The following NPC1 variants were observed in gnomAD, a reference collection of about 807,000 sequenced individuals.
NPC1 encodes Niemann-Pick C1 protein.
In NPC1, 85 loss-of-function variants were observed where a neutral mutation model predicts 140.4. The observed-to-expected ratio is 0.61, with a 90% CI of 0.51 to 0.72. The LOEUF (loss-of-function observed/expected upper bound fraction) is 0.72, where lower values mean the gene tolerates loss of function less well. NPC1 is among the 30% of genes least tolerant of loss of function. The pLI is 0.00. For missense variants in NPC1, 1,504 were observed against 1,623.8 expected (o/e 0.93, Z 1.27); for synonymous variants, 656 against 624.8 (o/e 1.05, Z -0.74).
intron 4 of NPC1, among the ~76,000 whole-genome samples, chr18:23,563,624 G>C (rs1308933963): frequency 2.0e-5 from 3 of 152,206 alleles, no homozygotes; most frequent in Non-Finnish European, 4.4e-5. Context: ...ATGCTGCCCA[G>C]GCTGGTCTCA....
Position 23,533,363 on chromosome 18 carries a change from C to CT in NPC1, c.3745dup (p.Ser1249LysfsTer9). 2 of 1,613,826 alleles carry CT rather than the reference C, an allele frequency of 1.2e-6. No homozygotes were observed. Among genetic ancestry groups the CT allele is most frequent in the Non-Finnish European group, 8.5e-7 (1 of 1,179,692 alleles). On this transcript the variant is annotated frameshift_variant, in exon 24 of 25. Transcript: ENST00000269228. LOFTEE classifies it high-confidence loss of function. ...AAGATGAGAACTCTTACCTATGTAACTGAGTAAGACAGGGAGAAATATTAA... is the reference window on the plus strand; with the variant it reads ...AAGATGAGAACTCTTACCTATGTAACTTGAGTAAGACAGGGAGAAATATTAA...
intron 10 of NPC1, 164 bp downstream of exon 10, chr18:23,551,463 G>GAAACCC (rs2058871660): frequency 2.8e-6 from 2 of 708,612 alleles, no homozygotes; most frequent in Non-Finnish European, 5.1e-6. Context: ...AATCTGGAAT[G>GAAACCC]AAACCCAAAC....
chr18:23,539,479 G>A lies in NPC1; in HGVS notation c.2796-9C>T, dbSNP rs1196732533. On this transcript the variant is annotated splice_polypyrimidine_tract_variant and intron_variant, in intron 18 of 24. Transcript: ENST00000269228. Reference sequence around the variant, plus strand: ...CGAAGCCTATTCGGGTACTAGAGAGGACAGACAGGGTTACTGACCTGCTCC... The same window carrying A: ...CGAAGCCTATTCGGGTACTAGAGAGAACAGACAGGGTTACTGACCTGCTCC... 3.1e-6 allele frequency: 5 copies of A among 1,588,790 alleles called. No individual in the cohort carries two copies. In the Admixed American group the frequency reaches 5.0e-5, roughly 16 times the overall value.
chr18:23,544,948 C>CCCA lies in NPC1; in HGVS notation c.1947+11_1947+12insTGG, dbSNP rs547107514. On this transcript the variant is annotated intron_variant, in intron 12 of 24. Coordinates refer to ENST00000269228, the MANE Select transcript of NPC1 (RefSeq NM_000271.5). ...TAACCTCTAGAACATACACCACCCC[C>CCCA]CCCCGGCTTACCAGAAGCCTGCGAC... is the stretch of plus-strand genomic sequence containing the variant. 4.9e-5 allele frequency: 67 copies of CCCA among 1,379,528 alleles called. 2 individuals are homozygous for CCCA. In the African/African-American group the frequency reaches 7.6e-4, roughly 16 times the overall value. The allele number at this position is 1,379,528 out of a possible 1,614,324, so 85.5% of individuals were successfully genotyped here. A position where few individuals can be genotyped will look rare whatever the true frequency, so the allele number is the denominator to read the frequency against.
downstream of NPC1, chr18:23,519,035 C>T (rs2058079247): frequency 1.2e-6 from 2 of 1,612,532 alleles, no homozygotes; most frequent in East Asian, 2.2e-5. Context: ...TGAACTGCAG[C>T]TTGTTGATCT....
intron 1 of NPC1, among the ~76,000 whole-genome samples, chr18:23,581,745 A>G (rs1488138297): frequency 6.6e-6 from 1 of 152,182 alleles, no homozygotes; most frequent in East Asian, 1.9e-4. Context: ...GGCAACAATT[A>G]GGCAACTCTC....
At chr18:23,546,931 C>T (rs1172104193) in intron 11 of NPC1, among the ~76,000 whole-genome samples, 4 of 152,168 alleles carry the variant, frequency 2.6e-5, no homozygotes, top group Admixed American at 6.5e-5. Flanking sequence ...GATGGCTGCA[C>T]ATACACGTGA....
chr18:23,582,249 T>TA (rs1200074008), intron 1 of NPC1: 1 of 152,210 alleles, frequency 6.6e-6, no homozygotes, highest in Non-Finnish European at 1.5e-5. Context: ...AGTAATAAGA[T>TA]AAAATTTTAA....
chr18:23,571,947 A>G, intron 3 of NPC1, 127 bp downstream of exon 3: 1 of 345,086 alleles, frequency 2.9e-6, no homozygotes, highest in Middle Eastern at 9.7e-4. Context: ...GTATAAATAT[A>G]TAATATACAT....
downstream of NPC1, chr18:23,519,095 T>C (rs1268539979): frequency 1.9e-6 from 3 of 1,614,080 alleles, no homozygotes; most frequent in Non-Finnish European, 2.5e-6. Context: ...AAGATGCACA[T>C]ATTGAAGTTA....
At chr18:23,552,092 C>G (rs1432102795) in intron 9 of NPC1, among the ~76,000 whole-genome samples, 1 of 152,096 alleles carries the variant, frequency 6.6e-6, no homozygotes, top group Non-Finnish European at 1.5e-5. Context: ...GGGTGTCTCA[C>G]ACAATTACAA....
At chr18:23,576,253 AAAC>A (rs1050424836) in intron 1 of NPC1, among the ~76,000 whole-genome samples, 7 of 151,954 alleles carry the variant, frequency 4.6e-5, no homozygotes, top group Middle Eastern at 6.8e-3. Flanking sequence ...AAACAAACAA[AAAC>A]AACAACAGCC....
downstream of NPC1, chr18:23,528,006 TCGCTGAGATTTGC>T: frequency 1.0e-6 from 1 of 971,370 alleles, no homozygotes; most frequent in African/African-American, 1.7e-5. Flanking sequence ...TAGAATAAGG[TCGCTGAGATTTGC>T]CGCCTGCCAT....
In NPC1 at chr18:23,536,701, C is replaced by T. The variant is rs141440861; in HGVS notation, c.3217G>A (p.Gly1073Ser). 2,247 of 1,614,096 alleles carry T rather than the reference C, an allele frequency of 1.4e-3. 2 individuals are homozygous for T. The highest frequency in any genetic ancestry group is 1.7e-3 in the Non-Finnish European group (2,011 of 1,180,010). ...TAAGGAAATACTCGGTAGGCACTGC[C>T]GTTAATGCCCATGGTTTCGGTGACA... ...SNVTETMGINGSAYRVFPYSV... is the reference protein window; with the variant it reads ...SNVTETMGINSSAYRVFPYSV... The change falls in exon 21 of 25, where the codon GGC becomes AGC. Residue 1073 changes from glycine to serine, a missense_variant. Transcript: ENST00000269228.
chr18:23,532,065 T>TA lies in NPC1; in HGVS notation c.*136dup, dbSNP rs1417193407. The TA allele has an allele frequency of 6.2e-7, 1 of 1,603,372 alleles. No individual in the cohort carries two copies. The highest frequency in any genetic ancestry group is 1.3e-5 in the African/African-American group (1 of 74,528). Reference sequence around the variant, plus strand: ...TGTGCATTCCTGAGTTCACAGGCGCTACGTTCAAAGCTGCTGCCAAACAAC... The same window carrying TA: ...TGTGCATTCCTGAGTTCACAGGCGCTAACGTTCAAAGCTGCTGCCAAACAAC... On this transcript the variant is annotated 3_prime_UTR_variant, in exon 25 of 25. Transcript: ENST00000269228.
chr18:23,562,055 C>T (rs1280363280), intron 4 of NPC1, among the ~76,000 whole-genome samples: 1 of 152,068 alleles, frequency 6.6e-6, no homozygotes, highest in Admixed American at 6.6e-5. Flanking sequence ...TCTGGGAGGC[C>T]GAGGTGGGCG....
At chr18:23,540,574 T>A (rs1315061399) in intron 16 of NPC1, 37 bp from the exon 17 acceptor site, 3 of 1,383,324 alleles carry the variant, frequency 2.2e-6, no homozygotes, top group South Asian at 1.2e-5. Context: ...AGAGACTGCT[T>A]AGTAAATAAG....
rs1344941511 is a variant in NPC1, at chr18:23,531,481, ATAGGGTAACCCCAAAACT to A, written c.*703_*720del. 2.1e-6 allele frequency: 3 copies of A among 1,443,132 alleles called. No homozygotes were observed. The highest frequency in any genetic ancestry group is 2.5e-5 in the East Asian group (1 of 40,398). 89.4% of individuals were successfully genotyped at this position (1,443,132 alleles called of 1,614,324 possible). ...CTTTTGTATTTGTCTCTCAAAGCAGATAGGGTAACCCCAAAACTTAGGAAAACAATGTATTTTATTAAA... is the reference window on the plus strand; with the variant it reads ...CTTTTGTATTTGTCTCTCAAAGCAGATAGGAAAACAATGTATTTTATTAAA... On this transcript the variant is annotated 3_prime_UTR_variant, in exon 25 of 25. Transcript: ENST00000269228.
intron 3 of NPC1, chr18:23,515,825 TG>T (rs776655983): frequency 6.2e-7 from 1 of 1,613,166 alleles, no homozygotes; most frequent in Non-Finnish European, 8.5e-7. Flanking sequence ...GTTTTTTAAA[TG>T]AAGATCCTGT....
Sources: gnomAD v4.1 joint callset for allele counts (sites outside exome capture counted in the v4.1 genomes callset) on GRCh38, gnomAD v4.1.1 for gene constraint, MANE v1.5 for transcripts, NCBI Gene and HGNC (gene_info 2026-07-23, HGNC 2026-07-21) for gene names.